The following ITGA4 variants were observed in gnomAD, a reference collection of about 807,000 sequenced individuals.
The protein encoded by ITGA4 is integrin alpha-4.
Under a neutral mutation model 133.6 loss-of-function variants are expected in ITGA4, and 63 were observed. The ratio of observed to expected loss-of-function variants is 0.47; its 90% CI spans 0.38 to 0.58. The LOEUF (loss-of-function observed/expected upper bound fraction) is 0.58, where lower values mean the gene tolerates loss of function less well. Among genes scored for constraint, ITGA4 ranks in the 20% least tolerant of loss-of-function variants. The pLI is 0.00. For missense variants in ITGA4, 1,076 were observed against 1,252.7 expected, an observed-to-expected ratio of 0.86 and a Z score of 2.13; for synonymous variants, 483 against 438.0, an observed-to-expected ratio of 1.10 and a Z score of -1.28.
rs1686952035 is a variant in ITGA4 at position 181,531,838 on chromosome 2, G to T, written c.2784+62G>T. The T allele has an allele frequency of 3.1e-6, 4 of 1,283,538 alleles. No individual in the cohort carries two copies. The South Asian group carries it at 6.1e-5, about 20-fold the overall frequency. 79.5% of individuals were successfully genotyped at this position (1,283,538 alleles called of 1,614,324 possible). ...AGTTTACATAAAATCTATAAATTCA[G>T]TCATATAGGCAGGATAGTATGAAGG... On this transcript the variant is annotated intron_variant, in intron 25 of 27. Coordinates refer to ENST00000397033, the MANE Select transcript of ITGA4 (RefSeq NM_000885.6).
chr2:181,521,533 C>T (rs1359986849), intron 17 of ITGA4, among the ~76,000 whole-genome samples: 2 of 152,196 alleles, frequency 1.3e-5, no homozygotes, highest in African/African-American at 2.4e-5. Flanking sequence ...GACTTGAACT[C>T]GTGCATATAT....
chr2:181,471,728 T>A (rs1685556463), intron 2 of ITGA4, among the ~76,000 whole-genome samples: 1 of 152,200 alleles, frequency 6.6e-6, no homozygotes, highest in East Asian at 1.9e-4. Context: ...CCATATGTTT[T>A]TCTATTTGGA....
intron 15 of ITGA4, among the ~76,000 whole-genome samples, chr2:181,508,093 A>C (rs1016891378): frequency 4.6e-5 from 7 of 152,122 alleles, no homozygotes; most frequent in Admixed American, 3.9e-4. Context: ...AATATTTTTA[A>C]AAGAAAATAA....
rs1459429071 is a variant in ITGA4, at chr2:181,530,625, G to C, written c.2640G>C (p.Leu880Phe). 6.2e-7 allele frequency: 1 copy of C among 1,612,626 alleles called. No individual in the cohort carries two copies. The highest frequency in any genetic ancestry group is 8.5e-7 in the Non-Finnish European group (1 of 1,178,956). The change falls in exon 24 of 28, where the codon TTG (leucine) becomes TTC (phenylalanine). Residue 880 changes from leucine (L) to phenylalanine (F), a missense_variant. Leu to Phe is a conservative substitution (Grantham distance 22, BLOSUM62 0). Coordinates refer to ENST00000397033, the MANE Select transcript of ITGA4 (RefSeq NM_000885.6). ...CCTTGAAAGGCATAGTCCGGTTCTT[G>C]TCCAAGACTGATAAGAGGCTATTGG... Reference protein sequence around the residue: ...MQTLKGIVRFLSKTDKRLLYC... With the variant: ...MQTLKGIVRFFSKTDKRLLYC...
Position 181,504,790 on chromosome 2 carries a change from T to C in ITGA4, c.1696-4868T>C, listed in dbSNP as rs554005321. ...GTTCTTGGTGCTATTTAAAAAATTC[T>C]ATAAGAAAAATCTGAGAATGTTCTA... On this transcript the variant is annotated intron_variant, in intron 15 of 27. Transcript: ENST00000397033. Among the ~76,000 whole-genome samples, 164 of 152,188 alleles carry C rather than the reference T, an allele frequency of 1.1e-3. 1 individual carries two copies. The highest frequency in any genetic ancestry group is 3.8e-3 in the African/African-American group (157 of 41,562).
intron 16 of ITGA4, among the ~76,000 whole-genome samples, chr2:181,510,894 T>G (rs534340893): frequency 9.2e-4 from 139 of 150,424 alleles, no homozygotes; most frequent in African/African-American, 3.1e-3. Flanking sequence ...TAGAACAACC[T>G]GCTTTACCAA....
At position 181,466,183 on chromosome 2, in the gene ITGA4, C is replaced by T. The variant is rs367840271; in HGVS notation, c.319+7866C>T. On this transcript the variant is annotated intron_variant, in intron 2 of 27. Coordinates refer to ENST00000397033, the MANE Select transcript of ITGA4 (RefSeq NM_000885.6). ...TGACCTAGTTGTTAGAGTTCTGAGG[C>T]CTCATGATGACTCAGGATCAGCCCA... Among the ~76,000 whole-genome samples, 23 of 152,084 alleles carry T rather than the reference C, an allele frequency of 1.5e-4. No homozygotes were observed. The East Asian group carries it at 2.5e-3, about 17-fold the overall frequency.
intron 2 of ITGA4, among the ~76,000 whole-genome samples, chr2:181,468,650 C>G (rs1685479584): frequency 6.6e-6 from 1 of 152,042 alleles, no homozygotes; most frequent in African/African-American, 2.4e-5. Context: ...ATTTAACTAG[C>G]TTTGTAGTAT....
chr2:181,486,463 G>A (rs1685920321), intron 10 of ITGA4, among the ~76,000 whole-genome samples: 1 of 152,182 alleles, frequency 6.6e-6, no homozygotes, highest in African/African-American at 2.4e-5. Flanking sequence ...GGTTCTGGAA[G>A]CCCCTGCTCT....
intron 25 of ITGA4, among the ~76,000 whole-genome samples, 157 bp from the exon 26 acceptor site, chr2:181,534,115 C>T (rs962389719): frequency 7.9e-5 from 12 of 152,134 alleles, no homozygotes; most frequent in Admixed American, 2.0e-4. Context: ...CAAGACCACA[C>T]TTTGGGAACC....
At chr2:181,534,600 T>A (rs1200456910) in intron 26 of ITGA4, among the ~76,000 whole-genome samples, 1 of 148,946 alleles carries the variant, frequency 6.7e-6, no homozygotes, top group Admixed American at 6.9e-5. Context: ...TTGAATAGAT[T>A]GGAGGAAAAG....
At chr2:181,486,201 C>G (rs1441780040) in intron 10 of ITGA4, 1 of 495,428 alleles carries the variant, frequency 2.0e-6, no homozygotes, top group Non-Finnish European at 3.3e-6. Flanking sequence ...GGATGATATT[C>G]AAAATACCTT....
intron 6 of ITGA4, 127 bp downstream of exon 6, chr2:181,480,393 G>GT: frequency 2.2e-6 from 1 of 460,632 alleles, no homozygotes; most frequent in Non-Finnish European, 3.8e-6. Flanking sequence ...TAATTAGGCA[G>GT]TTCAGAAACT....
chr2:181,462,473 C>T (rs1341472110), intron 2 of ITGA4, among the ~76,000 whole-genome samples: 1 of 152,126 alleles, frequency 6.6e-6, no homozygotes, highest in Non-Finnish European at 1.5e-5. Context: ...CATTAAATAG[C>T]AAATATCTCA....
intron 14 of ITGA4, chr2:181,498,173 A>G (rs1023820009): frequency 6.6e-6 from 1 of 152,152 alleles, no homozygotes; most frequent in Non-Finnish European, 1.5e-5. Flanking sequence ...ACAAATCTAA[A>G]ATATAAAAAA....
intron 15 of ITGA4, among the ~76,000 whole-genome samples, chr2:181,507,668 C>A (rs1370756776): frequency 6.6e-6 from 1 of 152,088 alleles, no homozygotes; most frequent in Non-Finnish European, 1.5e-5. Context: ...CTCTCATATA[C>A]TTTAAATCAC....
At chr2:181,531,083 C>G (rs1214313997) in intron 24 of ITGA4, among the ~76,000 whole-genome samples, 1 of 151,990 alleles carries the variant, frequency 6.6e-6, no homozygotes, top group Non-Finnish European at 1.5e-5. Context: ...CCACTGCACT[C>G]CAGCCTGGGT....
rs529740971 is a variant in ITGA4 at position 181,536,766 on chromosome 2, A to ACAAT, written c.*1242_*1245dup. The ACAAT allele has an allele frequency of 1.5e-3, 375 of 248,654 alleles. No individual in the cohort carries two copies. Among genetic ancestry groups the ACAAT allele is most frequent in the African/African-American group, 7.8e-3 (339 of 43,674 alleles). The allele number at this position is 248,654 out of a possible 1,614,324, so 15.4% of individuals were successfully genotyped here. ...TGGATTTTAAAAAATTTCTTTAAAT[A>ACAAT]CAATCATTTTTGTAATATTTATTTT... On this transcript the variant is annotated 3_prime_UTR_variant, in exon 28 of 28. Coordinates refer to ENST00000397033, the MANE Select transcript of ITGA4 (RefSeq NM_000885.6).
At position 181,457,511 on chromosome 2, in the gene ITGA4, C is replaced by T. The variant is rs1208340949; in HGVS notation, c.-144C>T. ...CGGTGGGCCGACTTCCCCTCCTCTT[C>T]CCTCTCTCCTTCCTTTAGCCCGCTG... On this transcript the variant is annotated 5_prime_UTR_variant, in exon 1 of 28. Coordinates refer to ENST00000397033, the MANE Select transcript of ITGA4 (RefSeq NM_000885.6). 3.3e-5 allele frequency: 25 copies of T among 758,160 alleles called. No individual in the cohort carries two copies. The East Asian group carries it at 4.8e-4, about 15-fold the overall frequency. The allele number at this position is 758,160 out of a possible 1,614,324, so 47.0% of individuals were successfully genotyped here. A position where few individuals can be genotyped will look rare whatever the true frequency, so the allele number is the denominator to read the frequency against.
Sources: allele counts gnomAD v4.1 joint callset (sites outside exome capture counted in the v4.1 genomes callset), GRCh38; gene constraint gnomAD v4.1.1; transcripts MANE v1.5; gene names NCBI Gene and HGNC (gene_info 2026-07-23, HGNC 2026-07-21).